The following SLC35E2B variants were observed in gnomAD, a reference collection of about 807,000 sequenced individuals.
SLC35E2B encodes solute carrier family 35 member E2B, also known as solute carrier family 35, member E2B.
Under a neutral mutation model 32.4 loss-of-function variants are expected in SLC35E2B, and 18 were observed. The ratio of observed to expected loss-of-function variants is 0.56; its 90% confidence interval spans 0.38 to 0.82. SLC35E2B has a LOEUF of 0.82. Ranked by LOEUF, SLC35E2B falls within the 40% of genes least tolerant of loss-of-function variation. SLC35E2B has a pLI of 0.00. For missense variants in SLC35E2B, 263 were observed against 469.5 expected, an observed-to-expected ratio of 0.56 and a Z score of 4.06; for synonymous variants, 132 against 209.1, an observed-to-expected ratio of 0.63 and a Z score of 3.18.
At chr1:1,687,781 G>C (rs916846618) in intron 2 of SLC35E2B, among the ~76,000 whole-genome samples, 3 of 151,398 alleles carry the variant, frequency 2.0e-5, no homozygotes, top group Non-Finnish European at 4.4e-5. Context: ...TGTAGTCCCA[G>C]CCACTTAGGA....
In SLC35E2B at chr1:1,664,829, TGGGGAACC is replaced by T. The variant is rs1643499476; in HGVS notation, c.*945_*952del. ...TGCAGCGTCCTGCCCAAGGCTCACGTGGGGAACCGGACAGGTGCTAGATGATGATAGGA... is the reference window on the plus strand; with the variant it reads ...TGCAGCGTCCTGCCCAAGGCTCACGTGGACAGGTGCTAGATGATGATAGGA... On this transcript the variant is annotated 3_prime_UTR_variant, in exon 10 of 10. Coordinates refer to ENST00000617444, the MANE Select transcript of SLC35E2B (RefSeq NM_001290264.2). 1.1e-6 allele frequency: 1 copy of T among 908,494 alleles called. No homozygotes were observed. Among genetic ancestry groups the T allele is most frequent in the South Asian group, 5.2e-5 (1 of 19,332 alleles). 56.3% of individuals were successfully genotyped at this position (908,494 alleles called of 1,614,324 possible).
chr1:1,681,910 G>A (rs1053579486), intron 2 of SLC35E2B, among the ~76,000 whole-genome samples: 3 of 147,172 alleles, frequency 2.0e-5, no homozygotes, highest in South Asian at 2.2e-4. Context: ...GTGTGAACCC[G>A]GGAGGTGGAG....
At chr1:1,666,746 G>A (rs1428544481) in intron 9 of SLC35E2B, among the ~76,000 whole-genome samples, 8 of 151,032 alleles carry the variant, frequency 5.3e-5, no homozygotes, top group East Asian at 2.0e-4. Context: ...GAGGCTGGGC[G>A]TGGGGGCTCA....
intron 2 of SLC35E2B, among the ~76,000 whole-genome samples, chr1:1,690,024 G>A (rs1349133369): frequency 3.3e-5 from 5 of 149,546 alleles, no homozygotes; most frequent in Non-Finnish European, 5.9e-5. Flanking sequence ...GCTCACGCCT[G>A]TAATCCCAGC....
At position 1,663,953 on chromosome 1, in the gene SLC35E2B, G is replaced by A. The variant is rs532325519; in HGVS notation, c.*1829C>T. 211 of 440,164 alleles carry A rather than the reference G, an allele frequency of 4.8e-4. 3 individuals carry two copies. Among genetic ancestry groups the A allele is most frequent in the African/African-American group, 4.1e-3 (204 of 49,396 alleles). 27.3% of individuals were successfully genotyped at this position (440,164 alleles called of 1,614,324 possible). A position where few individuals can be genotyped will look rare whatever the true frequency, so the allele number is the denominator to read the frequency against. ...CGCCTATATTCTCGACACTACAGGAGGCTGAGTGGGAAGGATTGCTTGAGC... is the reference window on the plus strand; with the variant it reads ...CGCCTATATTCTCGACACTACAGGAAGCTGAGTGGGAAGGATTGCTTGAGC... On this transcript the variant is annotated 3_prime_UTR_variant, in exon 10 of 10. Coordinates refer to ENST00000617444, the MANE Select transcript of SLC35E2B (RefSeq NM_001290264.2).
At chr1:1,683,710 C>T (rs1251166657) in intron 2 of SLC35E2B, among the ~76,000 whole-genome samples, 1 of 151,814 alleles carries the variant, frequency 6.6e-6, no homozygotes, top group Non-Finnish European at 1.5e-5. Context: ...GTCCCCCCTA[C>T]CCCCGCTCTC....
chr1:1,665,926 G>C lies in SLC35E2B; in HGVS notation c.1074C>G (p.Ala358=). The C allele has an allele frequency of 6.4e-7, 1 of 1,551,466 alleles. No homozygotes were observed. The highest frequency in any genetic ancestry group is 8.7e-7 in the Non-Finnish European group (1 of 1,146,990). The change falls in exon 10 of 10, where the codon GCC becomes GCG. Residue 358 remains alanine, a synonymous_variant. Transcript: ENST00000617444. ...AGAGCAGGACCCCAACGGTCACCAG[G>C]GCTGTGCCAACGGCCGACAAGCTGG... ...KITSLSAVGT[A]LVTVGVLLYN...
At position 1,690,439 on chromosome 1, in the gene SLC35E2B, C is replaced by CA. The variant is rs756294207; in HGVS notation, c.-148+536dup. On this transcript the variant is annotated intron_variant, in intron 2 of 9. Coordinates refer to ENST00000617444, the MANE Select transcript of SLC35E2B (RefSeq NM_001290264.2). Reference sequence around the variant, plus strand: ...CCTACAAACCAAGTAGAAAAACAGGCAAAAAAAAAAAAATGTTGGCGGGGC... The same window carrying CA: ...CCTACAAACCAAGTAGAAAAACAGGCAAAAAAAAAAAAAATGTTGGCGGGGC... Among the ~76,000 whole-genome samples the CA allele has an allele frequency of 2.8e-3, 382 of 136,198 alleles. 10 individuals are homozygous for CA. The highest frequency in any genetic ancestry group is 4.2e-3 in the Non-Finnish European group (261 of 62,380). The allele number at this position is 136,198 out of a possible 152,430, so 89.4% of individuals were successfully genotyped here.
rs189375220 is a variant in SLC35E2B, at chr1:1,677,602, C to T, written c.-147-756G>A. 1.0e-3 allele frequency among the ~76,000 whole-genome samples: 152 copies of T among 151,786 alleles called. 3 individuals carry two copies. In the East Asian group the frequency reaches 0.016, roughly 16 times the overall value. ...TCGCCATTCTCCTGCCTCAGGCTCC[C>T]GAGTAGCTGGGACGACAGGCGTCCG... On this transcript the variant is annotated intron_variant, in intron 2 of 9. Transcript: ENST00000617444.
chr1:1,679,219 G>C (rs1211152746), intron 2 of SLC35E2B, among the ~76,000 whole-genome samples: 2 of 152,184 alleles, frequency 1.3e-5, no homozygotes, highest in Non-Finnish European at 2.9e-5. Context: ...CGTGGGCTCG[G>C]GCGTGTGCAG....
At chr1:1,666,396 C>A (rs543367453) in intron 9 of SLC35E2B, among the ~76,000 whole-genome samples, 1 of 152,340 alleles carries the variant, frequency 6.6e-6, no homozygotes, top group South Asian at 2.1e-4. Flanking sequence ...TCCGCCTCAT[C>A]AGCTTCATCC....
rs368871819 is a variant in SLC35E2B, at chr1:1,669,703, A to G, written c.795T>C (p.Ala265=). The part of the protein sequence containing the change: ...APELQFYTSA[A]AVAMLVPARV... ...GGGCCGGGACGAGCATGGCCACCGC[A>G]GCGGCGCTGGTGTAGAACTGCAGCT... The change falls in exon 8 of 10, where the codon GCT becomes GCC. Residue 265 remains alanine, a synonymous_variant. Coordinates refer to ENST00000617444, the MANE Select transcript of SLC35E2B (RefSeq NM_001290264.2). The G allele has an allele frequency of 1.9e-6, 3 of 1,538,584 alleles. No individual in the cohort carries two copies. The highest frequency in any genetic ancestry group is 2.4e-5 in the South Asian group (2 of 83,774).
chr1:1,666,347 C>T (rs1392753127), intron 9 of SLC35E2B, among the ~76,000 whole-genome samples: 3 of 152,140 alleles, frequency 2.0e-5, no homozygotes, highest in African/African-American at 7.2e-5. Flanking sequence ...ACCTAAGTAA[C>T]GGCCACGTCC....
At chr1:1,678,462 CCTG>C (rs1643872379) in intron 2 of SLC35E2B, among the ~76,000 whole-genome samples, 1 of 152,082 alleles carries the variant, frequency 6.6e-6, no homozygotes, top group Admixed American at 6.6e-5. Flanking sequence ...CTCCCCTCCC[CCTG>C]CTGTGTGTGT....
intron 2 of SLC35E2B, among the ~76,000 whole-genome samples, chr1:1,680,241 C>T (rs768382617): frequency 4.5e-4 from 69 of 151,974 alleles, no homozygotes; most frequent in Admixed American, 7.9e-4. Flanking sequence ...GTCAAGGCTG[C>T]AGTGAGCCGT....
At chr1:1,678,155 C>A (rs560182705) in intron 2 of SLC35E2B, among the ~76,000 whole-genome samples, 1 of 152,284 alleles carries the variant, frequency 6.6e-6, no homozygotes, top group Non-Finnish European at 1.5e-5. Context: ...TCTCACTTCT[C>A]CCCCGGGAAA....
Position 1,665,617 on chromosome 1 carries a change from T to C in SLC35E2B, c.*165A>G. The stretch of plus-strand genomic sequence containing the variant: ...GAAGCTGATACCTGGAATCCCCAGT[T>C]TGAGTTTCTGCTGGTCTTCACCGAC... On this transcript the variant is annotated 3_prime_UTR_variant, in exon 10 of 10. Transcript: ENST00000617444. 2 of 1,110,300 alleles carry C rather than the reference T, an allele frequency of 1.8e-6. No homozygotes were observed. The highest frequency in any genetic ancestry group is 2.6e-5 in the East Asian group (1 of 38,328). The allele number at this position is 1,110,300 out of a possible 1,614,324, so 68.8% of individuals were successfully genotyped here.
chr1:1,674,720 TGC>T (rs70937170), intron 5 of SLC35E2B, among the ~76,000 whole-genome samples: 54,091 of 151,206 alleles, frequency 0.36, 11,602 homozygotes, highest in Non-Finnish European at 0.49. Context: ...GGGTCTCAAG[TGC>T]ATGTGGGGCA....
rs536070476 is a variant in SLC35E2B at position 1,665,441 on chromosome 1, C to T, written c.*341G>A. ...TGGCAGGGAGCGGCTCTCGTTGGCA[C>T]TGGACCCACCTCTGGCTCCCGGTGG... is the stretch of plus-strand genomic sequence containing the variant. On this transcript the variant is annotated 3_prime_UTR_variant, in exon 10 of 10. Transcript: ENST00000617444. 1.2e-5 allele frequency: 6 copies of T among 516,656 alleles called. No homozygotes were observed. The East Asian group carries it at 1.9e-4, about 16-fold the overall frequency. 32.0% of individuals were successfully genotyped at this position (516,656 alleles called of 1,614,324 possible). A position where few individuals can be genotyped will look rare whatever the true frequency, so the allele number is the denominator to read the frequency against.
Sources: gnomAD v4.1 joint callset for allele counts (sites outside exome capture counted in the v4.1 genomes callset) on GRCh38, gnomAD v4.1.1 for gene constraint, MANE v1.5 for transcripts, NCBI Gene and HGNC (gene_info 2026-07-23, HGNC 2026-07-21) for gene names.